PARD3B: variants seen among roughly 807,000 people sequenced by gnomAD.
The protein encoded by PARD3B is partitioning defective 3 homolog B.
PARD3B carries 103 observed loss-of-function variants against 130.2 expected under a neutral mutation model. The ratio of observed to expected loss-of-function variants is 0.79; its 90% confidence interval spans 0.67 to 0.93. PARD3B has a LOEUF of 0.93. Among genes scored for constraint, PARD3B ranks in the 40% least tolerant of loss-of-function variants. The pLI is 0.00. For missense variants in PARD3B, 1,609 were observed against 1,499.2 expected (o/e 1.07, Z -1.21); for synonymous variants, 583 against 553.2 (o/e 1.05, Z -0.76).
intron 2 of PARD3B, among the ~76,000 whole-genome samples, chr2:204,764,984 G>C (rs1350323837): frequency 6.6e-6 from 1 of 151,904 alleles, no homozygotes; most frequent in East Asian, 1.9e-4. Context: ...CTTTAGAGAA[G>C]GGAAGGAACA....
chr2:205,294,519 G>A (rs1412052967), intron 16 of PARD3B, among the ~76,000 whole-genome samples: 2 of 152,112 alleles, frequency 1.3e-5, no homozygotes, highest in East Asian at 1.9e-4. Flanking sequence ...GCAATACTTG[G>A]CAAACATTTG....
intron 18 of PARD3B, among the ~76,000 whole-genome samples, chr2:205,364,725 T>C (rs1342123347): frequency 6.6e-6 from 1 of 152,210 alleles, no homozygotes; most frequent in Non-Finnish European, 1.5e-5. Flanking sequence ...ACATGGGTTC[T>C]GGTAACAAAG....
chr2:204,700,467 G>C (rs73984272), intron 2 of PARD3B, among the ~76,000 whole-genome samples: 10 of 152,074 alleles, frequency 6.6e-5, no homozygotes, highest in Non-Finnish European at 1.2e-4. Context: ...AAATTTGATA[G>C]TGTCTTCATA....
At chr2:204,923,899 T>G (rs536910802) in intron 2 of PARD3B, among the ~76,000 whole-genome samples, 1 of 152,170 alleles carries the variant, frequency 6.6e-6, no homozygotes, top group Non-Finnish European at 1.5e-5. Flanking sequence ...GAAGTCAAAT[T>G]TTAGTGATCC....
rs1313760432 is a variant in PARD3B at position 205,615,526 on chromosome 2, C to T, written c.3331C>T (p.Pro1111Ser). ...GGGGCTCTACAAGGAAAGGGAGCTT[C>T]CCTATTATCCAGGGGCTCATCCTAT... ...PRGLYKERELPYYPGAHPMHP... is the reference protein window; with the variant it reads ...PRGLYKERELSYYPGAHPMHP... Residue 1111 changes from proline to serine, a missense_variant, in exon 23 of 23, where the codon CCC (proline) becomes TCC (serine). Coordinates refer to ENST00000406610, the MANE Select transcript of PARD3B (RefSeq NM_001302769.2). 6.2e-7 allele frequency: 1 copy of T among 1,614,074 alleles called. No homozygotes were observed. Among genetic ancestry groups the T allele is most frequent in the Non-Finnish European group, 8.5e-7 (1 of 1,179,954 alleles).
intron 4 of PARD3B, among the ~76,000 whole-genome samples, chr2:205,087,077 G>A (rs1177709590): frequency 6.6e-6 from 1 of 152,044 alleles, no homozygotes; most frequent in East Asian, 1.9e-4. Context: ...AATTAATTAA[G>A]CATTTTTATT....
At chr2:205,595,629 T>C (rs1442497157) in intron 22 of PARD3B, among the ~76,000 whole-genome samples, 1 of 152,142 alleles carries the variant, frequency 6.6e-6, no homozygotes, top group East Asian at 1.9e-4. Flanking sequence ...CAACACCAAA[T>C]ATGGCTGGAG....
At chr2:205,610,518 G>C (rs2055193804) in intron 22 of PARD3B, among the ~76,000 whole-genome samples, 1 of 152,130 alleles carries the variant, frequency 6.6e-6, no homozygotes, top group Non-Finnish European at 1.5e-5. Flanking sequence ...AGTTAATCTT[G>C]AGTCAAGAGA....
chr2:204,863,078 T>A (rs2045276058), intron 2 of PARD3B, among the ~76,000 whole-genome samples: 1 of 152,092 alleles, frequency 6.6e-6, no homozygotes, highest in Non-Finnish European at 1.5e-5. Flanking sequence ...AGCAGTCTGT[T>A]TTTTCAGCCT....
intron 2 of PARD3B, among the ~76,000 whole-genome samples, chr2:204,932,963 A>G (rs920286322): frequency 1.3e-5 from 2 of 152,170 alleles, no homozygotes; most frequent in Non-Finnish European, 2.9e-5. Context: ...AGGGTTATGT[A>G]TTATTCAATT....
chr2:205,252,810 A>G (rs1247549952), intron 16 of PARD3B, among the ~76,000 whole-genome samples: 2 of 148,452 alleles, frequency 1.3e-5, no homozygotes, highest in African/African-American at 4.9e-5. Flanking sequence ...TAGTAATATC[A>G]ATCTTTTGGT....
intron 18 of PARD3B, chr2:205,302,053 C>CTTTT: frequency 5.2e-6 from 1 of 192,492 alleles, no homozygotes; most frequent in Non-Finnish European, 9.5e-6. Context: ...TTCTTTTTTT[C>CTTTT]TTTTTTCTTT....
intron 1 of PARD3B, among the ~76,000 whole-genome samples, chr2:204,647,254 A>G (rs2035305446): frequency 1.3e-5 from 2 of 151,812 alleles, no homozygotes; most frequent in Non-Finnish European, 2.9e-5. Context: ...TCTTTTCTGT[A>G]AAGTATTTTG....
chr2:204,601,576 C>G (rs1270992012), intron 1 of PARD3B, among the ~76,000 whole-genome samples: 1 of 151,888 alleles, frequency 6.6e-6, no homozygotes, highest in Non-Finnish European at 1.5e-5. Context: ...TGATTTTCTT[C>G]ATGAATCAAG....
chr2:204,950,112 C>T (rs1689644618), intron 2 of PARD3B, among the ~76,000 whole-genome samples: 1 of 152,172 alleles, frequency 6.6e-6, no homozygotes, highest in Non-Finnish European at 1.5e-5. Context: ...GAGAGGTAGG[C>T]ACAGAATAAT....
rs939367718 is a variant in PARD3B, at chr2:205,230,851, G to A, written c.2141-14927G>A. 6.6e-6 allele frequency among the ~76,000 whole-genome samples: 1 copy of A among 152,114 alleles called. No individual in the cohort carries two copies. Among genetic ancestry groups the A allele is most frequent in the South Asian group, 2.1e-4 (1 of 4,824 alleles). ...TTCCCTCTGGCTAGGGCTGGTCTGAGTGCTCCCTCCATGGACTCTGGCTGT... is the reference window on the plus strand; with the variant it reads ...TTCCCTCTGGCTAGGGCTGGTCTGAATGCTCCCTCCATGGACTCTGGCTGT... On this transcript the variant is annotated intron_variant, in intron 15 of 22. Transcript: ENST00000406610. The surrounding 1 kb of genome is among the most constrained non-coding windows in gnomAD (Gnocchi z 4.1).
chr2:205,417,059 C>T (rs1299197952), intron 19 of PARD3B, among the ~76,000 whole-genome samples: 2 of 148,728 alleles, frequency 1.3e-5, no homozygotes, highest in Admixed American at 1.3e-4. Flanking sequence ...AGGTGTATCT[C>T]CTAATGCTAT....
intron 21 of PARD3B, among the ~76,000 whole-genome samples, chr2:205,543,781 T>C (rs1304524332): frequency 6.6e-6 from 1 of 152,178 alleles, no homozygotes; most frequent in African/African-American, 2.4e-5. Flanking sequence ...TTTTGGTAAT[T>C]GTAAATGGAA....
intron 3 of PARD3B, among the ~76,000 whole-genome samples, chr2:205,022,696 A>G (rs952627516): frequency 6.6e-6 from 1 of 152,180 alleles, no homozygotes; most frequent in Non-Finnish European, 1.5e-5. Flanking sequence ...ATTAGGTGAA[A>G]GTTTCACTAT....
Sources: gnomAD v4.1 joint callset for allele counts (sites outside exome capture counted in the v4.1 genomes callset) on GRCh38, gnomAD v4.1.1 for gene constraint, Gnocchi (gnomAD v3.1) non-coding constraint, MANE v1.5 for transcripts, NCBI Gene and HGNC (gene_info 2026-07-23, HGNC 2026-07-21) for gene names.